The following TNFRSF1B variants were observed in gnomAD, a reference collection of about 807,000 sequenced individuals.
The protein encoded by TNFRSF1B is TNF receptor superfamily member 1B.
Under a neutral mutation model 44.6 loss-of-function variants are expected in TNFRSF1B, and 19 were observed. The ratio of observed to expected loss-of-function variants is 0.43; its 90% CI spans 0.30 to 0.62. The LOEUF (loss-of-function observed/expected upper bound fraction) is 0.62. Among genes scored for constraint, TNFRSF1B ranks in the 20% least tolerant of loss-of-function variants. The probability of loss-of-function intolerance (pLI) is 0.16; values close to 1 mark genes in which losing one functional copy is unlikely to be tolerated. For missense variants in TNFRSF1B, 541 were observed against 619.9 expected (o/e 0.87, Z 1.35); for synonymous variants, 252 against 261.1 (o/e 0.97, Z 0.34).
rs1267913385 is a variant in TNFRSF1B at position 12,180,621 on chromosome 1, G to A, written c.79-8175G>A. ...CTCCAGCAGAGTCCTAGTCTTGAGC[G>A]AATCTTATACCTGCAGCCCTGTCCA... On this transcript the variant is annotated intron_variant, in intron 1 of 9. Coordinates refer to ENST00000376259, the MANE Select transcript of TNFRSF1B (RefSeq NM_001066.3). The surrounding 1 kb of genome is among the most constrained non-coding windows in gnomAD (Gnocchi z 4.3). Among the ~76,000 whole-genome samples, 2 of 152,188 alleles carry A rather than the reference G, an allele frequency of 1.3e-5. No individual in the cohort carries two copies. Among genetic ancestry groups the A allele is most frequent in the Non-Finnish European group, 2.9e-5 (2 of 68,028 alleles).
chr1:12,174,154 T>TCTTCTTCTTCTTCTTCTTCTTCTTCTC (rs1638588861), intron 1 of TNFRSF1B, among the ~76,000 whole-genome samples: 2 of 73,996 alleles, frequency 2.7e-5, no homozygotes, highest in Non-Finnish European at 2.6e-5. Context: ...TTCTTCTTCT[T>TCTTCTTCTTCTTCTTCTTCTTCTTCTC]CTTCTTCTTC....
At chr1:12,191,121 C>T in intron 3 of TNFRSF1B, 36 bp downstream of exon 3, 1 of 1,601,270 alleles carries the variant, frequency 6.2e-7, no homozygotes, top group Non-Finnish European at 8.5e-7. Flanking sequence ...GCCCTTACAC[C>T]CCTGCCTCCA....
intron 8 of TNFRSF1B, among the ~76,000 whole-genome samples, chr1:12,201,760 G>C (rs957049299): frequency 2.0e-5 from 3 of 152,330 alleles, no homozygotes; most frequent in African/African-American, 7.2e-5. Flanking sequence ...GCAGCTGGGT[G>C]CTAATAACAG....
At chr1:12,198,729 C>T (rs371958279) in intron 8 of TNFRSF1B, among the ~76,000 whole-genome samples, 121 of 108,396 alleles carry the variant, frequency 1.1e-3, no homozygotes, top group African/African-American at 3.7e-3. Flanking sequence ...CTTGCTTTGT[C>T]GCCCAGGCTG....
chr1:12,194,715 G>T (rs1244676565), intron 8 of TNFRSF1B, 97 bp downstream of exon 8: 2 of 1,495,258 alleles, frequency 1.3e-6, no homozygotes, highest in East Asian at 2.3e-5. Context: ...TCATTGGTCT[G>T]TCCAGTGTCA....
At chr1:12,181,468 C>A (rs1169619091) in intron 1 of TNFRSF1B, among the ~76,000 whole-genome samples, 1 of 152,148 alleles carries the variant, frequency 6.6e-6, no homozygotes, top group Non-Finnish European at 1.5e-5. Context: ...GAGTACCACT[C>A]CCATTTTACA....
At chr1:12,182,107 C>T (rs1332329924) in intron 1 of TNFRSF1B, among the ~76,000 whole-genome samples, 1 of 152,170 alleles carries the variant, frequency 6.6e-6, no homozygotes, top group Non-Finnish European at 1.5e-5. Flanking sequence ...GTCTTCCTGG[C>T]CAGGGAGGAA....
chr1:12,203,552 C>G (rs1381884929), intron 9 of TNFRSF1B, among the ~76,000 whole-genome samples: 2 of 152,224 alleles, frequency 1.3e-5, no homozygotes, highest in Non-Finnish European at 2.9e-5. Context: ...CCCCAGCCTC[C>G]TCGGTGGGAG....
chr1:12,172,306 G>T (rs1057188318), intron 1 of TNFRSF1B, among the ~76,000 whole-genome samples: 2 of 152,184 alleles, frequency 1.3e-5, no homozygotes, highest in Non-Finnish European at 2.9e-5. Flanking sequence ...ACCTCAAGTC[G>T]CTGCTCTGCT....
chr1:12,195,813 CAG>C (rs568355789), intron 8 of TNFRSF1B, among the ~76,000 whole-genome samples: 54 of 152,122 alleles, frequency 3.5e-4, no homozygotes, highest in African/African-American at 1.2e-3. Context: ...GATGAGAAAA[CAG>C]AGTCTGATGA....
At position 12,199,360 on chromosome 1, in the gene TNFRSF1B, A is replaced by C. The variant is rs963565664; in HGVS notation, c.901-2607A>C. ...AACTTGCAATGCCCTCCATCTCTCC[A>C]AAACTGGGGGACCCAGCCCAGGGAG... On this transcript the variant is annotated intron_variant, in intron 8 of 9. Coordinates refer to ENST00000376259, the MANE Select transcript of TNFRSF1B (RefSeq NM_001066.3). The surrounding 1 kb of genome is among the most constrained non-coding windows in gnomAD (Gnocchi z 4.0). Among the ~76,000 whole-genome samples, 14 of 152,214 alleles carry C rather than the reference A, an allele frequency of 9.2e-5. No individual in the cohort carries two copies. Among genetic ancestry groups the C allele is most frequent in the Non-Finnish European group, 1.8e-4 (12 of 68,032 alleles).
At chr1:12,192,017 C>T in intron 4 of TNFRSF1B, 94 bp downstream of exon 4, 9 of 1,486,870 alleles carry the variant, frequency 6.1e-6, no homozygotes, top group Non-Finnish European at 8.1e-6. Flanking sequence ...ATTAATTAGT[C>T]CAGCAGGGAG....
At chr1:12,200,976 G>C (rs1000740020) in intron 8 of TNFRSF1B, among the ~76,000 whole-genome samples, 5 of 152,030 alleles carry the variant, frequency 3.3e-5, no homozygotes, top group African/African-American at 1.2e-4. Context: ...AAACCAGTGG[G>C]GTGTGGTGGT....
rs993461101 is a variant in TNFRSF1B, at chr1:12,209,098, G to A, written c.*2078G>A. The A allele has an allele frequency of 1.3e-5, 2 of 152,374 alleles. No individual in the cohort carries two copies. Among genetic ancestry groups the A allele is most frequent in the Admixed American group, 6.5e-5 (1 of 15,280 alleles). The allele number at this position is 152,374 out of a possible 1,614,324, so 9.4% of individuals were successfully genotyped here. Reference sequence around the variant, plus strand: ...GCATCACAGGGCAGAGCCGGGAAGCGATGAATTTGGAGACTCTGTGGGGCC... The same window carrying A: ...GCATCACAGGGCAGAGCCGGGAAGCAATGAATTTGGAGACTCTGTGGGGCC... On this transcript the variant is annotated 3_prime_UTR_variant, in exon 10 of 10. Coordinates refer to ENST00000376259, the MANE Select transcript of TNFRSF1B (RefSeq NM_001066.3).
rs1017505657 is a variant in TNFRSF1B, at chr1:12,177,343, G to A, written c.78+10174G>A. Among the ~76,000 whole-genome samples, 8 of 152,256 alleles carry A rather than the reference G, an allele frequency of 5.3e-5. No individual in the cohort carries two copies. Among genetic ancestry groups the A allele is most frequent in the African/African-American group, 1.9e-4 (8 of 41,558 alleles). On this transcript the variant is annotated intron_variant, in intron 1 of 9. Coordinates refer to ENST00000376259, the MANE Select transcript of TNFRSF1B (RefSeq NM_001066.3). The surrounding 1 kb of genome is among the most constrained non-coding windows in gnomAD (Gnocchi z 4.3). ...ATTCTGGTCAGTGTCAACCCCATTT[G>A]TCCCTGGAGCTTTTGCAGTCGGTCA...
chr1:12,190,650 T>C (rs565143955), intron 2 of TNFRSF1B, among the ~76,000 whole-genome samples: 126 of 152,092 alleles, frequency 8.3e-4, no homozygotes, highest in African/African-American at 2.6e-3. Context: ...TAGCCATCTA[T>C]CAAGAAGGAA....
intron 2 of TNFRSF1B, among the ~76,000 whole-genome samples, chr1:12,190,268 G>A (rs1639082683): frequency 6.6e-6 from 1 of 152,046 alleles, no homozygotes; most frequent in African/African-American, 2.4e-5. Context: ...AGACCAGCCT[G>A]GCCAACATGG....
rs766973828 is a variant in TNFRSF1B, at chr1:12,202,122, C to A, written c.1056C>A (p.Gly352=). Residue 352 remains glycine (G), a synonymous_variant, in exon 9 of 10, where the codon GGC becomes GGA. Transcript: ENST00000376259. ...APTRNQPQAP[G]VEASGAGEAR... Reference sequence around the variant, plus strand: ...CTCGGAACCAGCCACAGGCACCAGGCGTGGAGGCCAGTGGGGCCGGGGAGG... The same window carrying A: ...CTCGGAACCAGCCACAGGCACCAGGAGTGGAGGCCAGTGGGGCCGGGGAGG... The A allele has an allele frequency of 3.2e-6, 5 of 1,566,388 alleles. No individual in the cohort carries two copies. The highest frequency in any genetic ancestry group is 1.2e-5 in the South Asian group (1 of 85,406).
At chr1:12,205,966 T>G (rs1284519484) in intron 9 of TNFRSF1B, among the ~76,000 whole-genome samples, 2 of 151,892 alleles carry the variant, frequency 1.3e-5, no homozygotes. Flanking sequence ...GCAGGAATGA[T>G]GGATGGGTGT....
Sources: allele counts gnomAD v4.1 joint callset (sites outside exome capture counted in the v4.1 genomes callset), GRCh38; gene constraint gnomAD v4.1.1; non-coding constraint Gnocchi (gnomAD v3.1); transcripts MANE v1.5; gene names NCBI Gene and HGNC (gene_info 2026-07-23, HGNC 2026-07-21).